Variants in PVT1 observed in about 807,000 individuals in gnomAD.
The protein encoded by PVT1 is Pvt1 oncogene.
chr8:127,981,005 C>A (rs1264059118), intron 3 of PVT1, among the ~76,000 whole-genome samples: 1 of 152,056 alleles, frequency 6.6e-6, no homozygotes, highest in Admixed American at 6.6e-5. Flanking sequence ...CCATGTTGGC[C>A]AGGCTGGTCT....
intron 3 of PVT1, among the ~76,000 whole-genome samples, chr8:127,941,377 A>G (rs1372865916): frequency 1.3e-5 from 2 of 152,208 alleles, no homozygotes; most frequent in Non-Finnish European, 2.9e-5. Context: ...GGTTCCAGGA[A>G]ATTCCGACAT....
intron 2 of PVT1, among the ~76,000 whole-genome samples, chr8:127,812,690 T>C (rs1029451611): frequency 1.4e-4 from 17 of 120,728 alleles, no homozygotes; most frequent in Admixed American, 8.5e-4. Flanking sequence ...GGTAGGAAAA[T>C]GGAAGGAAGG....
chr8:128,056,545 C>T (rs1813764918), intron 4 of PVT1, among the ~76,000 whole-genome samples: 1 of 152,166 alleles, frequency 6.6e-6, no homozygotes, highest in South Asian at 2.1e-4. Context: ...GGGCCCTGCC[C>T]CAGTGTATTT....
chr8:127,908,445 G>A (rs902372238), intron 3 of PVT1, among the ~76,000 whole-genome samples: 7 of 151,322 alleles, frequency 4.6e-5, no homozygotes, highest in African/African-American at 1.5e-4. Flanking sequence ...GGGTTCAAGC[G>A]ATTCTCCTGC....
At chr8:128,023,894 C>CA (rs1389872279) in intron 4 of PVT1, among the ~76,000 whole-genome samples, 2 of 151,958 alleles carry the variant, frequency 1.3e-5, no homozygotes, top group South Asian at 2.1e-4. Context: ...CATGAGTGAA[C>CA]AAAAAAAACA....
At chr8:127,865,742 C>T (rs1016538081) in intron 2 of PVT1, among the ~76,000 whole-genome samples, 2 of 152,196 alleles carry the variant, frequency 1.3e-5, no homozygotes, top group African/African-American at 2.4e-5. Context: ...TGGATTTAAG[C>T]CTCTGAGTTT....
chr8:127,858,805 CTTTTTTTTTTTTTTTTT>C (rs35886687), intron 2 of PVT1, among the ~76,000 whole-genome samples: 1 of 47,310 alleles, frequency 2.1e-5, no homozygotes, highest in Non-Finnish European at 4.2e-5. Flanking sequence ...CTTGAAGATT[CTTTTTTTTTTTTTTTTT>C]TTTTTTTTTT....
At chr8:127,820,736 G>C (rs1271361185) in intron 2 of PVT1, among the ~76,000 whole-genome samples, 1 of 151,676 alleles carries the variant, frequency 6.6e-6, no homozygotes, top group Admixed American at 6.6e-5. Context: ...TTGAGATAGA[G>C]TCTCGCTTTG....
At chr8:127,882,041 A>T (rs1375091491) in intron 2 of PVT1, among the ~76,000 whole-genome samples, 1 of 152,166 alleles carries the variant, frequency 6.6e-6, no homozygotes, top group Non-Finnish European at 1.5e-5. Context: ...TGCCCGGCTT[A>T]TTCTTTGTTT....
At position 128,080,073 on chromosome 8, in the gene PVT1, G is replaced by A. The variant is rs7001033; in HGVS notation, n.1114+9712G>A. Among the ~76,000 whole-genome samples, 226 of 152,208 alleles carry A rather than the reference G, an allele frequency of 1.5e-3. 1 individual carries two copies. Among genetic ancestry groups the A allele is most frequent in the African/African-American group, 5.2e-3 (214 of 41,544 alleles). On this transcript the variant is annotated intron_variant and non_coding_transcript_variant, in intron 5 of 10. Transcript: ENST00000651587. ...CTTTTCATAGCTTAACACCTCATTC[G>A]TTTTTAGTGCTGAATAATATTTCTT... is the stretch of plus-strand genomic sequence containing the variant.
intron 4 of PVT1, among the ~76,000 whole-genome samples, chr8:128,059,348 T>A (rs1210530857): frequency 6.6e-6 from 1 of 152,176 alleles, no homozygotes; most frequent in East Asian, 1.9e-4. Flanking sequence ...GGACACTGTT[T>A]ACGTGTCCAC....
intron 2 of PVT1, among the ~76,000 whole-genome samples, chr8:127,816,126 C>CACAA (rs10622381): frequency 0.68 from 102,422 of 151,440 alleles, 36,059 homozygotes; most frequent in African/African-American, 0.88. Context: ...TCCGTCTCAA[C>CACAA]ACAAACAAAA....
At chr8:127,809,399 T>G (rs181229288) in intron 2 of PVT1, among the ~76,000 whole-genome samples, 4 of 152,306 alleles carry the variant, frequency 2.6e-5, no homozygotes, top group African/African-American at 4.8e-5. Flanking sequence ...GGTCTCACTT[T>G]GTTGTCCAGG....
chr8:128,062,108 A>G (rs1813838685), intron 4 of PVT1, among the ~76,000 whole-genome samples: 2 of 152,216 alleles, frequency 1.3e-5, no homozygotes, highest in African/African-American at 4.8e-5. Context: ...CAGGGGAGTG[A>G]AAAGGAGGCT....
rs1407843993 is a variant in PVT1 at position 127,898,990 on chromosome 8, G to A, written n.782+7992G>A. Among the ~76,000 whole-genome samples the A allele has an allele frequency of 6.6e-6, 1 of 152,178 alleles. No homozygotes were observed. Among genetic ancestry groups the A allele is most frequent in the Non-Finnish European group, 1.5e-5 (1 of 68,034 alleles). On this transcript the variant is annotated intron_variant and non_coding_transcript_variant, in intron 3 of 10. Transcript: ENST00000651587. The surrounding 1 kb of genome is among the most constrained non-coding windows in gnomAD (Gnocchi z 4.4). ...ACCGAAGAACAGCTGTTGGTGGTCAGGTCTCTGAGTCACTCAGTAGCTTGG... is the reference window on the plus strand; with the variant it reads ...ACCGAAGAACAGCTGTTGGTGGTCAAGTCTCTGAGTCACTCAGTAGCTTGG...
In PVT1 at chr8:127,881,581, CG is replaced by C. The variant is rs375369433; in HGVS notation, n.373-9007del. Among the ~76,000 whole-genome samples, 395 of 151,708 alleles carry C rather than the reference CG, an allele frequency of 2.6e-3. 7 individuals carry two copies. The highest frequency in any genetic ancestry group is 0.016 in the South Asian group (79 of 4,800). ...AAGTGATTCTCCTGCCTCAGCCTCCCGAGTAGCTGAGATTACAGGTGCCCGC... is the reference window on the plus strand; with the variant it reads ...AAGTGATTCTCCTGCCTCAGCCTCCCAGTAGCTGAGATTACAGGTGCCCGC... On this transcript the variant is annotated intron_variant and non_coding_transcript_variant, in intron 2 of 10. Coordinates refer to ENST00000651587, the Ensembl canonical transcript of PVT1.
chr8:127,873,168 GTCC>G (rs1815370647), intron 2 of PVT1, among the ~76,000 whole-genome samples: 1 of 152,168 alleles, frequency 6.6e-6, no homozygotes, highest in Non-Finnish European at 1.5e-5. Flanking sequence ...CTCTGGGTGT[GTCC>G]TCCTGCGAGT....
At chr8:127,875,024 G>T (rs1815390492) in intron 2 of PVT1, among the ~76,000 whole-genome samples, 1 of 151,948 alleles carries the variant, frequency 6.6e-6, no homozygotes, top group South Asian at 2.1e-4. Flanking sequence ...TGACCCCTTG[G>T]GTGCCTGTGT....
chr8:128,027,598 C>T lies in PVT1; in HGVS notation n.912+38307C>T, dbSNP rs568354228. 1.9e-3 allele frequency among the ~76,000 whole-genome samples: 294 copies of T among 152,336 alleles called. 2 individuals are homozygous for T. Among genetic ancestry groups the T allele is most frequent in the Non-Finnish European group, 2.6e-3 (177 of 68,036 alleles). On this transcript the variant is annotated intron_variant and non_coding_transcript_variant, in intron 4 of 10. Transcript: ENST00000651587. ...AGGGAGCCCAGGCATCGTGTCTATG[C>T]TCTGTGCCATGTGACAAGTCTCTGC... is the stretch of plus-strand genomic sequence containing the variant.
Sources: gnomAD v4.1 joint callset for allele counts (sites outside exome capture counted in the v4.1 genomes callset) on GRCh38, gnomAD v4.1.1 for gene constraint, Gnocchi (gnomAD v3.1) non-coding constraint, MANE v1.5 for transcripts, NCBI Gene and HGNC (gene_info 2026-07-23, HGNC 2026-07-21) for gene names.